The following MYO1F variants were observed in gnomAD, a reference collection of about 807,000 sequenced individuals.
The protein encoded by MYO1F is myosin IF.
MYO1F carries 60 observed loss-of-function variants against 146.6 expected under a neutral mutation model. That is an observed-to-expected ratio of 0.41 (90% CI 0.33 to 0.51). The LOEUF is 0.51. Among genes scored for constraint, MYO1F ranks in the 20% least tolerant of loss-of-function variants. MYO1F has a pLI of 0.25. For synonymous variants in MYO1F, 602 were observed against 602.1 expected (o/e 1.00, Z 0.00); for missense variants, 1,274 against 1,534.3 (o/e 0.83, Z 2.83).
At chr19:8,555,918 C>T in intron 1 of MYO1F, 122 bp from the exon 2 acceptor site, 1 of 1,073,120 alleles carries the variant, frequency 9.3e-7, no homozygotes. Context: ...TCCTCCTTCC[C>T]CATCTCCAGG....
At chr19:8,525,255 G>C in intron 25 of MYO1F, 1 of 556,934 alleles carries the variant, frequency 1.8e-6, no homozygotes, top group Non-Finnish European at 3.2e-6. Context: ...TGTAGGGTAG[G>C]AGGAGAGAAG....
intron 11 of MYO1F, 54 bp from the exon 12 acceptor site, chr19:8,548,176 T>G: frequency 6.2e-7 from 1 of 1,613,374 alleles, no homozygotes; most frequent in Non-Finnish European, 8.5e-7. Context: ...TGGAAGTTCT[T>G]GTGGCCACCC....
Position 8,536,516 on chromosome 19 carries a change from G to C in MYO1F, c.1881C>G (p.Phe627Leu), listed in dbSNP as rs761619477. Residue 627 changes from phenylalanine to leucine, a missense_variant, in exon 18 of 28, where the codon TTC becomes TTG. Around this residue, in one of 2 missense-constraint regions of MYO1F, gnomAD observed 900 missense variants for 1,155.1 expected, o/e 0.78. Coordinates refer to ENST00000644032, the MANE Select transcript of MYO1F (RefSeq NM_012335.4). ...CTCCTCACCTCTGCAGGAATTTGGC[G>C]AACTGGCGGCGGTAGGCGAAGCCGG... ...RRAGFAYRRQ[F>L]AKFLQRYAIL... is the part of the protein sequence containing the mutation. 6.2e-7 allele frequency: 1 copy of C among 1,613,170 alleles called. No individual in the cohort carries two copies. Among genetic ancestry groups the C allele is most frequent in the African/African-American group, 1.3e-5 (1 of 74,698 alleles).
chr19:8,548,366 AAGCC>A, intron 10 of MYO1F, 49 bp from the exon 11 acceptor site: 1 of 1,572,044 alleles, frequency 6.4e-7, no homozygotes, highest in Non-Finnish European at 8.7e-7. Flanking sequence ...GTCAGATCTG[AAGCC>A]CCTGCCCACC....
chr19:8,568,623 T>A (rs2042053178), intron 1 of MYO1F, among the ~76,000 whole-genome samples: 1 of 151,756 alleles, frequency 6.6e-6, no homozygotes, highest in African/African-American at 2.4e-5. Flanking sequence ...CAGTTTCTCC[T>A]CTTTGCAAGT....
chr19:8,577,439 A>C lies in MYO1F; in HGVS notation c.-130T>G. ...GCCCGTTCACCGGACTCCCGGCTTT[A>C]GTTCCTCTTACAACAGCCCCTTCTC... On this transcript the variant is annotated 5_prime_UTR_variant, in exon 1 of 28. Transcript: ENST00000644032. This position sits in a 1 kb window ranked among gnomAD's most constrained non-coding sequence, Gnocchi z 4.3. 1.0e-6 allele frequency: 1 copy of C among 989,408 alleles called. No individual in the cohort carries two copies. The highest frequency in any genetic ancestry group is 1.5e-6 in the Non-Finnish European group (1 of 645,806). 61.3% of individuals were successfully genotyped at this position (989,408 alleles called of 1,614,324 possible).
chr19:8,566,956 C>T lies in MYO1F; in HGVS notation c.3+10351G>A, dbSNP rs549610064. Among the ~76,000 whole-genome samples, 178 of 151,974 alleles carry T rather than the reference C, an allele frequency of 1.2e-3. 1 individual carries two copies. The highest frequency in any genetic ancestry group is 2.1e-3 in the Non-Finnish European group (143 of 67,988). On this transcript the variant is annotated intron_variant, in intron 1 of 27. Transcript: ENST00000644032. Reference sequence around the variant, plus strand: ...CCTATGAAAGTGCTAGGATTACAGGCGTAAGCCACCAGGCCAAGCCTGGTC... The same window carrying T: ...CCTATGAAAGTGCTAGGATTACAGGTGTAAGCCACCAGGCCAAGCCTGGTC...
intron 8 of MYO1F, 25 bp downstream of exon 8, chr19:8,551,715 G>T (rs774076527): frequency 6.9e-5 from 111 of 1,613,966 alleles, no homozygotes; most frequent in Non-Finnish European, 1.3e-5. Context: ...CCTGGCCGGG[G>T]ACTGGAGTAG....
chr19:8,541,423 G>T (rs868550429), intron 15 of MYO1F, among the ~76,000 whole-genome samples: 2,451 of 123,110 alleles, frequency 0.02, 48 homozygotes, highest in African/African-American at 0.056. Context: ...GTGTGTGTGT[G>T]TGTTTTTTTT....
intron 12 of MYO1F, 135 bp downstream of exon 12, chr19:8,547,901 T>C: frequency 1.3e-6 from 1 of 784,166 alleles, no homozygotes; most frequent in Non-Finnish European, 2.2e-6. Context: ...CTATGGAGCC[T>C]GGGTAGGTTG....
chr19:8,564,395 AAAG>A (rs753786050), intron 1 of MYO1F, among the ~76,000 whole-genome samples: 4 of 152,046 alleles, frequency 2.6e-5, no homozygotes, highest in Admixed American at 6.6e-5. Flanking sequence ...AACAACAAAA[AAAG>A]AAGGAGGTGC....
rs900337903 is a variant in MYO1F at position 8,539,964 on chromosome 19, C to T, written c.1675G>A (p.Ala559Thr). ...AGGCCCACCTTGATCTTGGAGCCGG[C>T]GGTGCTGGGGCGCCCCTTCTTGTCT... ...DGDKKGRPST[A>T]GSKIKKQAND... is the part of the protein sequence containing the mutation. Residue 559 changes from alanine to threonine, a missense_variant, in exon 16 of 28, where the codon GCC (alanine) becomes ACC (threonine). Ala to Thr is a moderately conservative substitution (Grantham distance 58). Coordinates refer to ENST00000644032, the MANE Select transcript of MYO1F (RefSeq NM_012335.4). The T allele has an allele frequency of 2.5e-6, 4 of 1,612,052 alleles. No homozygotes were observed. Among genetic ancestry groups the T allele is most frequent in the Admixed American group, 1.7e-5 (1 of 59,900 alleles).
intron 25 of MYO1F, among the ~76,000 whole-genome samples, 184 bp from the exon 26 acceptor site, chr19:8,523,013 A>G (rs943006464): frequency 6.7e-6 from 1 of 148,258 alleles, no homozygotes; most frequent in Non-Finnish European, 1.5e-5. Flanking sequence ...TTTTTTAAGC[A>G]TAATTTTAAA....
chr19:8,543,726 C>G (rs59880313), intron 14 of MYO1F, among the ~76,000 whole-genome samples: 218 of 12,318 alleles, frequency 0.018, 8 homozygotes, highest in African/African-American at 0.065. Context: ...GGTGGTGGTG[C>G]TGGTGGTGCT....
chr19:8,526,312 G>A, intron 24 of MYO1F, 141 bp downstream of exon 24: 1 of 1,324,190 alleles, frequency 7.6e-7, no homozygotes, highest in Non-Finnish European at 1.0e-6. Flanking sequence ...GGGCGACAGA[G>A]TGAGACTCCG....
chr19:8,560,212 C>T (rs540543109), intron 1 of MYO1F, among the ~76,000 whole-genome samples: 60 of 151,222 alleles, frequency 4.0e-4, no homozygotes, highest in Non-Finnish European at 7.1e-4. Flanking sequence ...TGGCTGGGCG[C>T]GGTGGCTCAC....
At chr19:8,565,463 A>G (rs1378048490) in intron 1 of MYO1F, among the ~76,000 whole-genome samples, 1 of 151,340 alleles carries the variant, frequency 6.6e-6, no homozygotes, top group African/African-American at 2.4e-5. Context: ...AATAGCTTGA[A>G]CCTGGGAGGC....
At chr19:8,572,712 T>C (rs1389842234) in intron 1 of MYO1F, among the ~76,000 whole-genome samples, 1 of 152,086 alleles carries the variant, frequency 6.6e-6, no homozygotes, top group Non-Finnish European at 1.5e-5. Context: ...TTTATTTGTT[T>C]AGAAACAGAG....
chr19:8,526,229 A>C (rs1229722548), intron 24 of MYO1F, among the ~76,000 whole-genome samples: 1 of 152,190 alleles, frequency 6.6e-6, no homozygotes, highest in Non-Finnish European at 1.5e-5. Context: ...CGGGAGGCTG[A>C]GGCAAGACAA....
Sources: gnomAD v4.1 joint callset for allele counts (sites outside exome capture counted in the v4.1 genomes callset) on GRCh38, gnomAD v4.1.1 for gene constraint, gnomAD v4.1.1 regional missense constraint, Gnocchi (gnomAD v3.1) non-coding constraint, MANE v1.5 for transcripts, NCBI Gene and HGNC (gene_info 2026-07-23, HGNC 2026-07-21) for gene names.